SEMA4B: variants seen among roughly 807,000 people sequenced by gnomAD.
SEMA4B encodes semaphorin 4B.
In SEMA4B, 55 loss-of-function variants were observed where a neutral mutation model predicts 88.1. The ratio of observed to expected loss-of-function variants is 0.62; its 90% confidence interval spans 0.50 to 0.78. The LOEUF (loss-of-function observed/expected upper bound fraction) is 0.78, where lower values mean the gene tolerates loss of function less well. Among genes scored for constraint, SEMA4B ranks in the 30% least tolerant of loss-of-function variants. The pLI, the probability that SEMA4B is intolerant of heterozygous loss-of-function variation, is 0.00. For synonymous variants in SEMA4B, 525 were observed against 473.6 expected (o/e 1.11, Z -1.41); for missense variants, 1,062 against 1,111.9 (o/e 0.96, Z 0.64).
chr15:90,224,779 T>C (rs912314181), intron 9 of SEMA4B, among the ~76,000 whole-genome samples, 189 bp from the exon 10 acceptor site: 2 of 152,076 alleles, frequency 1.3e-5, no homozygotes, highest in Admixed American at 1.3e-4. Flanking sequence ...GCACTCGGTT[T>C]CCCCGCACCC....
In SEMA4B at chr15:90,225,028, G is replaced by A. The variant is rs374265749; in HGVS notation, c.1255G>A (p.Val419Met). The change falls in exon 10 of 14, where the codon GTG becomes ATG. Residue 419 changes from valine (V) to methionine (M), a missense_variant. Transcript: ENST00000411539. ...CTCATCCCTGCAGCTCCCAGACCGCGTGCTGAACTTCCTCAAGGACCACTT... is the reference window on the plus strand; with the variant it reads ...CTCATCCCTGCAGCTCCCAGACCGCATGCTGAACTTCCTCAAGGACCACTT... ...INSSLQLPDR[V>M]LNFLKDHFLM... is the part of the protein sequence containing the mutation. 2.0e-5 allele frequency: 33 copies of A among 1,613,806 alleles called. No individual in the cohort carries two copies. Among genetic ancestry groups the A allele is most frequent in the African/African-American group, 8.0e-5 (6 of 74,920 alleles).
intron 1 of SEMA4B, among the ~76,000 whole-genome samples, chr15:90,194,921 G>T (rs746466903): frequency 1.3e-4 from 20 of 152,086 alleles, no homozygotes; most frequent in Admixed American, 9.2e-4. Flanking sequence ...TTCAGCAGGT[G>T]TCTCTGAAAG....
At chr15:90,185,180 C>G (rs950382787) in intron 1 of SEMA4B, 1 of 623,876 alleles carries the variant, frequency 1.6e-6, no homozygotes, top group African/African-American at 2.0e-5. Flanking sequence ...CCCTTGCACC[C>G]GCACCTCCCG....
chr15:90,223,999 G>A lies in SEMA4B; in HGVS notation c.1194+11G>A, dbSNP rs1240256153. 2 of 1,604,638 alleles carry A rather than the reference G, an allele frequency of 1.2e-6. No individual in the cohort carries two copies. Among genetic ancestry groups the A allele is most frequent in the Non-Finnish European group, 1.7e-6 (2 of 1,174,298 alleles). On this transcript the variant is annotated intron_variant, in intron 9 of 13. Transcript: ENST00000411539. The stretch of plus-strand genomic sequence containing the variant: ...CCCCGGCCTGGAGCGGTGGGTACTG[G>A]CTCCCTGCACCCAGAAGGGGTGCCG...
Position 90,225,111 on chromosome 15 carries a change from C to T in SEMA4B, c.1338C>T (p.Tyr446=), listed in dbSNP as rs1360591144. The T allele has an allele frequency of 6.2e-7, 1 of 1,613,676 alleles. No individual in the cohort carries two copies. Among genetic ancestry groups the T allele is most frequent in the South Asian group, 1.1e-5 (1 of 91,084 alleles). The part of the protein sequence containing the change: ...RMLLLQPQAR[Y]QRVAVHRVPG... Reference sequence around the variant, plus strand: ...TGCTGCTGCAGCCCCAGGCTCGCTACCAGCGCGTGGCTGTACACCGCGTCC... The same window carrying T: ...TGCTGCTGCAGCCCCAGGCTCGCTATCAGCGCGTGGCTGTACACCGCGTCC... Residue 446 remains tyrosine, a synonymous_variant, in exon 10 of 14, where the codon TAC becomes TAT. Coordinates refer to ENST00000411539, the MANE Select transcript of SEMA4B (RefSeq NM_198925.4).
At chr15:90,220,362 C>CTTTTTTTTT (rs200788766) in intron 4 of SEMA4B, 5 of 129,232 alleles carry the variant, frequency 3.9e-5, no homozygotes, top group Non-Finnish European at 6.3e-5. Context: ...TTTTCTTTTT[C>CTTTTTTTTT]TTTTCTTTTT....
At chr15:90,202,024 G>A (rs980088828) in intron 1 of SEMA4B, among the ~76,000 whole-genome samples, 3 of 152,262 alleles carry the variant, frequency 2.0e-5, no homozygotes, top group Non-Finnish European at 2.9e-5. Context: ...GGCGGGGTCC[G>A]CCTGCCCATC....
At chr15:90,188,723 A>T (rs954493506) in intron 1 of SEMA4B, among the ~76,000 whole-genome samples, 2 of 151,860 alleles carry the variant, frequency 1.3e-5, no homozygotes, top group Non-Finnish European at 1.5e-5. Flanking sequence ...CTCTGGGTGC[A>T]GTGGCGCTAT....
At position 90,228,549 on chromosome 15, in the gene SEMA4B, C is replaced by T. The variant is rs1392938575; in HGVS notation, c.2420C>T (p.Pro807Leu). 6.2e-7 allele frequency: 1 copy of T among 1,613,048 alleles called. No individual in the cohort carries two copies. The highest frequency in any genetic ancestry group is 8.5e-7 in the Non-Finnish European group (1 of 1,179,490). The change falls in exon 14 of 14, where the codon CCA becomes CTA. Residue 807 changes from proline to leucine, a missense_variant. Physicochemically the swap from Pro to Leu is moderately conservative, Grantham distance 98. Transcript: ENST00000411539. ...SRVFTESEKR[P>L]LSIQDSFVEV... The stretch of plus-strand genomic sequence containing the variant: ...GTCTTCACTGAGTCAGAGAAGAGGC[C>T]ACTCAGCATCCAAGACAGCTTCGTG...
At chr15:90,227,160 A>G (rs1017256076) in intron 12 of SEMA4B, 1 of 189,252 alleles carries the variant, frequency 5.3e-6, no homozygotes, top group Non-Finnish European at 1.1e-5. Context: ...CGATCCTCCA[A>G]CCTCAGCCTC....
At chr15:90,188,099 G>A (rs1347795312) in intron 1 of SEMA4B, among the ~76,000 whole-genome samples, 5 of 150,646 alleles carry the variant, frequency 3.3e-5, no homozygotes, top group Non-Finnish European at 7.4e-5. Flanking sequence ...TGGGTGGATC[G>A]CTTGAGTCCA....
chr15:90,228,053 G>C lies in SEMA4B; in HGVS notation c.1924G>C (p.Asp642His), dbSNP rs756340554. Residue 642 changes from aspartate (D) to histidine (H), a missense_variant, in exon 14 of 14, where the codon GAC (aspartate) becomes CAC (histidine). Physicochemically the swap from Asp to His is moderately conservative, Grantham distance 81. Coordinates refer to ENST00000411539, the MANE Select transcript of SEMA4B (RefSeq NM_198925.4). ...CTCCTGCCACGTGCTACCCACTGGG[G>C]ACCTGCTGCTGGTGGGCACCCAACA... ...SASCHVLPTGDLLLVGTQQLG... is the reference protein window; with the variant it reads ...SASCHVLPTGHLLLVGTQQLG... 3 of 1,613,824 alleles carry C rather than the reference G, an allele frequency of 1.9e-6. No individual in the cohort carries two copies.
Position 90,221,723 on chromosome 15 carries a change from C to A in SEMA4B, c.819C>A (p.Phe273Leu). Residue 273 changes from phenylalanine (F) to leucine (L), a missense_variant, in exon 7 of 14, where the codon TTC becomes TTA. Phe to Leu is a conservative substitution (Grantham distance 22). Transcript: ENST00000411539. ...GCGAGACTGGCCAGGAATTTGAGTTCTTTGAGAACACCATTGTGTCCCGCA... is the reference window on the plus strand; with the variant it reads ...GCGAGACTGGCCAGGAATTTGAGTTATTTGAGAACACCATTGTGTCCCGCA... ...FFSETGQEFE[F>L]FENTIVSRIA... 1.2e-6 allele frequency: 2 copies of A among 1,613,968 alleles called. No individual in the cohort carries two copies. Among genetic ancestry groups the A allele is most frequent in the Non-Finnish European group, 8.5e-7 (1 of 1,179,904 alleles).
chr15:90,201,309 C>T (rs1384454543), upstream of SEMA4B: 9 of 1,154,662 alleles, frequency 7.8e-6, no homozygotes, highest in African/African-American at 1.6e-5. Flanking sequence ...CCGACTTCCT[C>T]CTTCAGCCCC....
Position 90,227,652 on chromosome 15 carries a change from C to T in SEMA4B, c.1774+10C>T, listed in dbSNP as rs1457379272. ...TCTTTTGTACCAACAGGTGAGGTGCCCCCTCAAAAGGTGGAGGAGAGAGGT... is the reference window on the plus strand; with the variant it reads ...TCTTTTGTACCAACAGGTGAGGTGCTCCCTCAAAAGGTGGAGGAGAGAGGT... On this transcript the variant is annotated intron_variant, in intron 13 of 13. Coordinates refer to ENST00000411539, the MANE Select transcript of SEMA4B (RefSeq NM_198925.4). 2 of 1,613,642 alleles carry T rather than the reference C, an allele frequency of 1.2e-6. No individual in the cohort carries two copies. The highest frequency in any genetic ancestry group is 2.2e-5 in the East Asian group (1 of 44,882).
rs1215760557 is a variant in SEMA4B, at chr15:90,229,545, A to G, written c.*902A>G. On this transcript the variant is annotated 3_prime_UTR_variant, in exon 14 of 14. Transcript: ENST00000411539. Reference sequence around the variant, plus strand: ...TCCATCCCTCACCTTCCTCCACTCTAAGGGATATCAACACTGCCCAGCACA... The same window carrying G: ...TCCATCCCTCACCTTCCTCCACTCTGAGGGATATCAACACTGCCCAGCACA... 1 of 385,420 alleles carries G rather than the reference A, an allele frequency of 2.6e-6. No individual in the cohort carries two copies. Among genetic ancestry groups the G allele is most frequent in the Non-Finnish European group, 5.2e-6 (1 of 191,018 alleles). The allele number at this position is 385,420 out of a possible 1,614,324, so 23.9% of individuals were successfully genotyped here. A position where few individuals can be genotyped will look rare whatever the true frequency, so the allele number is the denominator to read the frequency against.
intron 1 of SEMA4B, among the ~76,000 whole-genome samples, chr15:90,195,810 G>A (rs575415887): frequency 2.0e-5 from 3 of 151,902 alleles, no homozygotes; most frequent in East Asian, 1.9e-4. Context: ...GAGTTTTGCC[G>A]TGTTGCCCAG....
intron 5 of SEMA4B, 97 bp from the exon 6 acceptor site, chr15:90,221,270 C>A (rs989112887): frequency 5.7e-6 from 7 of 1,232,900 alleles, no homozygotes; most frequent in Non-Finnish European, 7.0e-6. Context: ...CTGCCCACCA[C>A]AGGCAAAACG....
intron 1 of SEMA4B, chr15:90,206,868 C>T: frequency 1.4e-6 from 1 of 715,118 alleles, no homozygotes; most frequent in Non-Finnish European, 2.6e-6. Flanking sequence ...AGGGGAAACC[C>T]CGTAAAGTGG....
Sources: gnomAD v4.1 joint callset for allele counts (sites outside exome capture counted in the v4.1 genomes callset) on GRCh38, gnomAD v4.1.1 for gene constraint, MANE v1.5 for transcripts, NCBI Gene and HGNC (gene_info 2026-07-23, HGNC 2026-07-21) for gene names.